Variants in MFSD6 observed in about 807,000 individuals in gnomAD.
MFSD6 encodes the protein major facilitator superfamily domain-containing protein 6.
A neutral mutation model predicts 56.3 loss-of-function variants in MFSD6; 26 were observed. That is an observed-to-expected ratio of 0.46 (90% CI 0.34 to 0.64). MFSD6 has a LOEUF of 0.64. Among genes scored for constraint, MFSD6 ranks in the 30% least tolerant of loss-of-function variants. The pLI, the probability that MFSD6 is intolerant of heterozygous loss-of-function variation, is 0.01. For synonymous variants in MFSD6, 331 were observed against 366.9 expected (o/e 0.90, Z 1.12); for missense variants, 750 against 986.2 (o/e 0.76, Z 3.21).
chr2:190,408,673 C>G (rs1326408809), intron 1 of MFSD6, among the ~76,000 whole-genome samples, 170 bp downstream of exon 1: 1 of 150,744 alleles, frequency 6.6e-6, no homozygotes, highest in Non-Finnish European at 1.5e-5. Flanking sequence ...GCTGTCTCCG[C>G]TCGGGCCTCG....
chr2:190,409,928 A>G (rs1468167204), intron 1 of MFSD6, among the ~76,000 whole-genome samples: 2 of 152,186 alleles, frequency 1.3e-5, no homozygotes, highest in Non-Finnish European at 2.9e-5. Context: ...GACATTGTTA[A>G]TGAGCCCAGT....
chr2:190,450,488 CTTTT>C (rs10665730), intron 3 of MFSD6, among the ~76,000 whole-genome samples: 1 of 97,252 alleles, frequency 1.0e-5, no homozygotes, highest in African/African-American at 3.9e-5. Flanking sequence ...TCTCTTTTTC[CTTTT>C]TTTTTTTTTT....
In MFSD6 at chr2:190,435,983, A is replaced by C. The variant is rs767662723; in HGVS notation, c.-47A>C. The C allele has an allele frequency of 1.9e-5, 30 of 1,551,488 alleles. No homozygotes were observed. In the Admixed American group the frequency reaches 3.2e-4, roughly 17 times the overall value. ...TTTAAATTTTACTTTACAGATCAACAGTACAAATTCTGAAGTTTGTAAACT... is the reference window on the plus strand; with the variant it reads ...TTTAAATTTTACTTTACAGATCAACCGTACAAATTCTGAAGTTTGTAAACT... On this transcript the variant is annotated 5_prime_UTR_variant, in exon 3 of 8. Transcript: ENST00000392328.
At position 190,462,022 on chromosome 2, in the gene MFSD6, A is replaced by G. The variant is rs1057172606; in HGVS notation, c.1533-7736A>G. Reference sequence around the variant, plus strand: ...ATTATTAGGAAGTACATAACTCACTATACGAACTCAAAATCTACAGAAATA... The same window carrying G: ...ATTATTAGGAAGTACATAACTCACTGTACGAACTCAAAATCTACAGAAATA... On this transcript the variant is annotated intron_variant, in intron 3 of 7. Transcript: ENST00000392328. The surrounding 1 kb of genome is among the most constrained non-coding windows in gnomAD (Gnocchi z 5.7). 1.3e-5 allele frequency among the ~76,000 whole-genome samples: 2 copies of G among 152,192 alleles called. No individual in the cohort carries two copies. Among genetic ancestry groups the G allele is most frequent in the Middle Eastern group, 3.2e-3 (1 of 314 alleles).
chr2:190,493,366 G>A (rs1026080910), intron 6 of MFSD6, among the ~76,000 whole-genome samples: 64 of 152,074 alleles, frequency 4.2e-4, no homozygotes, highest in African/African-American at 1.5e-3. Flanking sequence ...TAACACTGGA[G>A]CTCCCAAATT....
intron 3 of MFSD6, among the ~76,000 whole-genome samples, chr2:190,455,544 G>A (rs1401523010): frequency 1.3e-5 from 2 of 152,148 alleles, no homozygotes; most frequent in Non-Finnish European, 2.9e-5. Context: ...GCAACTTGGT[G>A]AACCTTTCAG....
At position 190,457,686 on chromosome 2, in the gene MFSD6, T is replaced by C. The variant is rs1390867150; in HGVS notation, c.1533-12072T>C. ...GAAATATTTGCATTTAATTTAATGGTAGCTTACATATTTGCACAGTGTTTT... is the reference window on the plus strand; with the variant it reads ...GAAATATTTGCATTTAATTTAATGGCAGCTTACATATTTGCACAGTGTTTT... On this transcript the variant is annotated intron_variant, in intron 3 of 7. Coordinates refer to ENST00000392328, the MANE Select transcript of MFSD6 (RefSeq NM_017694.4). The surrounding 1 kb of genome is among the most constrained non-coding windows in gnomAD (Gnocchi z 5.1). Among the ~76,000 whole-genome samples, 1 of 152,238 alleles carries C rather than the reference T, an allele frequency of 6.6e-6. No individual in the cohort carries two copies. The highest frequency in any genetic ancestry group is 1.5e-5 in the Non-Finnish European group (1 of 68,048).
chr2:190,448,446 T>C (rs1370456116), intron 3 of MFSD6, among the ~76,000 whole-genome samples: 1 of 152,148 alleles, frequency 6.6e-6, no homozygotes, highest in Non-Finnish European at 1.5e-5. Flanking sequence ...ACATTCAATA[T>C]GGTATAGTCA....
chr2:190,459,018 G>A lies in MFSD6; in HGVS notation c.1533-10740G>A, dbSNP rs1055851889. On this transcript the variant is annotated intron_variant, in intron 3 of 7. Transcript: ENST00000392328. The surrounding 1 kb of genome is among the most constrained non-coding windows in gnomAD (Gnocchi z 5.3). Reference sequence around the variant, plus strand: ...ACTGCTCCCAAGTCTGACGTAGAGAGTGGGTCCATCCCCTCTTCAGTAGAA... The same window carrying A: ...ACTGCTCCCAAGTCTGACGTAGAGAATGGGTCCATCCCCTCTTCAGTAGAA... 6.6e-6 allele frequency among the ~76,000 whole-genome samples: 1 copy of A among 152,354 alleles called. No homozygotes were observed.
At chr2:190,420,828 T>TA (rs554948146) in intron 2 of MFSD6, among the ~76,000 whole-genome samples, 9 of 151,674 alleles carry the variant, frequency 5.9e-5, no homozygotes, top group Admixed American at 5.3e-4. Flanking sequence ...AAATATTGAG[T>TA]AAAAAAAAAT....
At position 190,455,478 on chromosome 2, in the gene MFSD6, C is replaced by T. The variant is rs1003659124; in HGVS notation, c.1533-14280C>T. Among the ~76,000 whole-genome samples, 5 of 152,166 alleles carry T rather than the reference C, an allele frequency of 3.3e-5. 1 individual carries two copies. The highest frequency in any genetic ancestry group is 3.3e-4 in the Admixed American group (5 of 15,266). ...GCCATGGGAAGGGCACAGGATTTGA[C>T]AGCAGAAGACCTGGTTGAGTCTTGC... On this transcript the variant is annotated intron_variant, in intron 3 of 7. Transcript: ENST00000392328.
At position 190,433,937 on chromosome 2, in the gene MFSD6, TC is replaced by T. The variant is rs1377666414; in HGVS notation, c.-53-2037del. Among the ~76,000 whole-genome samples the T allele has an allele frequency of 6.6e-6, 1 of 152,148 alleles. No individual in the cohort carries two copies. The highest frequency in any genetic ancestry group is 2.4e-5 in the African/African-American group (1 of 41,430). On this transcript the variant is annotated intron_variant, in intron 2 of 7. Transcript: ENST00000392328. This position sits in a 1 kb window ranked among gnomAD's most constrained non-coding sequence, Gnocchi z 4.5. ...AGGGTGCAGTGGTTCACGCCTGTAA[TC>T]CCAGCACTTTGGGAGGCTGAGGCAA...
In MFSD6 at chr2:190,497,907, G is replaced by A; in HGVS notation, c.2172+188G>A. The A allele has an allele frequency of 1.6e-6, 1 of 612,896 alleles. No homozygotes were observed. Among genetic ancestry groups the A allele is most frequent in the Non-Finnish European group, 2.7e-6 (1 of 366,380 alleles). 38.0% of individuals were successfully genotyped at this position (612,896 alleles called of 1,614,324 possible). A position where few individuals can be genotyped will look rare whatever the true frequency, so the allele number is the denominator to read the frequency against. The stretch of plus-strand genomic sequence containing the variant: ...GAGGGTGTATACAAGGTCCCATAGA[G>A]AGAATATTCTGCCTTATGGAGTTCA... On this transcript the variant is annotated intron_variant, in intron 7 of 7. Coordinates refer to ENST00000392328, the MANE Select transcript of MFSD6 (RefSeq NM_017694.4). The surrounding 1 kb of genome is among the most constrained non-coding windows in gnomAD (Gnocchi z 5.2).
In MFSD6 at chr2:190,412,985, T is replaced by A. The variant is rs1690621680; in HGVS notation, c.-175-2307T>A. Among the ~76,000 whole-genome samples the A allele has an allele frequency of 6.6e-6, 1 of 152,174 alleles. No homozygotes were observed. Among genetic ancestry groups the A allele is most frequent in the Admixed American group, 6.5e-5 (1 of 15,280 alleles). On this transcript the variant is annotated intron_variant, in intron 1 of 7. Transcript: ENST00000392328. This position sits in a 1 kb window ranked among gnomAD's most constrained non-coding sequence, Gnocchi z 4.1. ...GAAAAGCCAACCAAATAATAAATAA[T>A]TACAAACGTGGAACACCTAAACCTT...
intron 4 of MFSD6, chr2:190,477,054 TG>T (rs1328233889): frequency 1.3e-5 from 1 of 75,604 alleles, no homozygotes; most frequent in Non-Finnish European, 2.4e-5. Context: ...GGGACTCTTG[TG>T]GGGTGGGGGG....
intron 2 of MFSD6, among the ~76,000 whole-genome samples, chr2:190,427,272 C>A (rs1685811170): frequency 6.6e-6 from 1 of 152,184 alleles, no homozygotes; most frequent in African/African-American, 2.4e-5. Flanking sequence ...TTCTCTGATC[C>A]CACCTTAGTT....
At chr2:190,473,056 A>C (rs1688044786) in intron 4 of MFSD6, among the ~76,000 whole-genome samples, 1 of 152,198 alleles carries the variant, frequency 6.6e-6, no homozygotes, top group African/African-American at 2.4e-5. Context: ...TGTCACCACC[A>C]GACCTGCCCT....
In MFSD6 at chr2:190,428,259, G is replaced by T. The variant is rs1337684457; in HGVS notation, c.-53-7718G>T. Among the ~76,000 whole-genome samples the T allele has an allele frequency of 9.9e-5, 15 of 152,174 alleles. 1 individual carries two copies. The highest frequency in any genetic ancestry group is 9.8e-4 in the Admixed American group (15 of 15,274). ...TTTATGTATCTGCTGTAGACAGGTT[G>T]CTCCCAGTTTTGAGCCATTAAAATT... On this transcript the variant is annotated intron_variant, in intron 2 of 7. Transcript: ENST00000392328.
At position 190,485,456 on chromosome 2, in the gene MFSD6, G is replaced by A. The variant is rs886574177; in HGVS notation, c.1631-3201G>A. Among the ~76,000 whole-genome samples, 1 of 151,924 alleles carries A rather than the reference G, an allele frequency of 6.6e-6. No individual in the cohort carries two copies. Among genetic ancestry groups the A allele is most frequent in the African/African-American group, 2.4e-5 (1 of 41,358 alleles). On this transcript the variant is annotated intron_variant, in intron 4 of 7. Coordinates refer to ENST00000392328, the MANE Select transcript of MFSD6 (RefSeq NM_017694.4). This position sits in a 1 kb window ranked among gnomAD's most constrained non-coding sequence, Gnocchi z 5.1. ...AGAAATGATTTCCAAATCTGTGTTGGATTTTGCTATTGAATCTAATTAATT... is the reference window on the plus strand; with the variant it reads ...AGAAATGATTTCCAAATCTGTGTTGAATTTTGCTATTGAATCTAATTAATT...
Sources: gnomAD v4.1 joint callset for allele counts (sites outside exome capture counted in the v4.1 genomes callset) on GRCh38, gnomAD v4.1.1 for gene constraint, Gnocchi (gnomAD v3.1) non-coding constraint, MANE v1.5 for transcripts, NCBI Gene and HGNC (gene_info 2026-07-23, HGNC 2026-07-21) for gene names.